The following FBXL19 variants were observed in gnomAD, a reference collection of about 807,000 sequenced individuals.
FBXL19 encodes the protein F-box/LRR-repeat protein 19.
A neutral mutation model predicts 71.2 loss-of-function variants in FBXL19; 16 were observed. The observed-to-expected ratio is 0.22, with a 90% confidence interval of 0.15 to 0.34. The LOEUF (loss-of-function observed/expected upper bound fraction) is 0.34. Ranked by LOEUF, FBXL19 falls within the 10% of genes least tolerant of loss-of-function variation. The probability of loss-of-function intolerance (pLI) is 1.00; values close to 1 mark genes in which losing one functional copy is unlikely to be tolerated. For missense variants in FBXL19, 658 were observed against 968.2 expected (o/e 0.68, Z 4.25); for synonymous variants, 447 against 409.4 (o/e 1.09, Z -1.11).
chr16:30,927,588 G>A lies in FBXL19; in HGVS notation c.337G>A (p.Gly113Ser). 6.4e-7 allele frequency: 1 copy of A among 1,559,924 alleles called. No homozygotes were observed. Among genetic ancestry groups the A allele is most frequent in the Non-Finnish European group, 8.7e-7 (1 of 1,151,890 alleles). Residue 113 changes from glycine (G) to serine (S), a missense_variant, in exon 4 of 11, where the codon GGT becomes AGT. Gly to Ser is a moderately conservative substitution (Grantham distance 56, BLOSUM62 0). Transcript: ENST00000338343. ...CTGCCTACAGATGGGGAAGGCTGAGGGTGTCATCAATGCAGAGATCCCCAA... is the reference window on the plus strand; with the variant it reads ...CTGCCTACAGATGGGGAAGGCTGAGAGTGTCATCAATGCAGAGATCCCCAA... ...PGCLKMGKAE[G>S]VINAEIPNCW...
intron 7 of FBXL19, among the ~76,000 whole-genome samples, chr16:30,940,730 G>A (rs930398373): frequency 3.3e-5 from 5 of 151,998 alleles, no homozygotes; most frequent in Admixed American, 2.0e-4. Context: ...GCAGTGGTGC[G>A]ATCTCGGCTC....
chr16:30,943,923 C>T (rs372013861), intron 9 of FBXL19, among the ~76,000 whole-genome samples: 133 of 152,280 alleles, frequency 8.7e-4, no homozygotes, highest in Middle Eastern at 3.4e-3. Flanking sequence ...AGATTCTTCC[C>T]GTATTCTAGA....
intron 7 of FBXL19, among the ~76,000 whole-genome samples, chr16:30,936,617 T>G (rs1280537449): frequency 2.0e-5 from 3 of 148,444 alleles, no homozygotes; most frequent in Admixed American, 6.7e-5. Flanking sequence ...TTTTTTTTTT[T>G]TTTGTTTTTT....
At position 30,946,496 on chromosome 16, in the gene FBXL19, C is replaced by T. The variant is rs890818116; in HGVS notation, c.1628-234C>T. On this transcript the variant is annotated intron_variant, in intron 9 of 10. Transcript: ENST00000338343. The surrounding 1 kb of genome is among the most constrained non-coding windows in gnomAD (Gnocchi z 6.7). The stretch of plus-strand genomic sequence containing the variant: ...CTAGGATTACAGGCATGAGCCACCA[C>T]GCCTGGCAGAATATTGTAGTCTCAA... 3.3e-5 allele frequency among the ~76,000 whole-genome samples: 5 copies of T among 152,210 alleles called. No individual in the cohort carries two copies. The highest frequency in any genetic ancestry group is 7.2e-5 in the African/African-American group (3 of 41,432).
rs1233395810 is a variant in FBXL19 at position 30,947,394 on chromosome 16, C to T, written c.*164C>T. ...ACTCAAGCCAGCCACCCCCTTCTTT[C>T]CCCCCTGCACTGATATCTCTGGGGG... On this transcript the variant is annotated 3_prime_UTR_variant, in exon 11 of 11. Coordinates refer to ENST00000338343, the MANE Select transcript of FBXL19 (RefSeq NM_001382779.1). 3.3e-6 allele frequency: 2 copies of T among 602,698 alleles called. No homozygotes were observed. The highest frequency in any genetic ancestry group is 5.9e-6 in the Non-Finnish European group (2 of 340,398). 37.3% of individuals were successfully genotyped at this position (602,698 alleles called of 1,614,324 possible).
rs1464535169 is a variant in FBXL19, at chr16:30,948,589, T to C, written c.*1359T>C. On this transcript the variant is annotated 3_prime_UTR_variant, in exon 11 of 11. Coordinates refer to ENST00000338343, the MANE Select transcript of FBXL19 (RefSeq NM_001382779.1). ...CTCAGGTAACAGGGAGGTGCGCGGG[T>C]GGGGGGAGGGCTGGGCGGACCAAAG... is the stretch of plus-strand genomic sequence containing the variant. 8 of 9,338 alleles carry C rather than the reference T, an allele frequency of 8.6e-4. No homozygotes were observed. Among genetic ancestry groups the C allele is most frequent in the African/African-American group, 3.3e-3 (7 of 2,134 alleles). 0.6% of individuals were successfully genotyped at this position (9,338 alleles called of 1,614,324 possible).
At position 30,942,966 on chromosome 16, in the gene FBXL19, A is replaced by G. The variant is rs1298237978; in HGVS notation, c.1627+430A>G. 6.6e-6 allele frequency among the ~76,000 whole-genome samples: 1 copy of G among 152,200 alleles called. No homozygotes were observed. Among genetic ancestry groups the G allele is most frequent in the Non-Finnish European group, 1.5e-5 (1 of 68,032 alleles). The stretch of plus-strand genomic sequence containing the variant: ...TTTGAGAGCAGCCCGCCAGCATAAT[A>G]CTGGGCAATTGTGGAGTGCCTTGAT... On this transcript the variant is annotated intron_variant, in intron 9 of 10. Coordinates refer to ENST00000338343, the MANE Select transcript of FBXL19 (RefSeq NM_001382779.1). The surrounding 1 kb of genome is among the most constrained non-coding windows in gnomAD (Gnocchi z 5.7).
chr16:30,928,256 G>A (rs2055624725), intron 5 of FBXL19, among the ~76,000 whole-genome samples: 2 of 152,208 alleles, frequency 1.3e-5, no homozygotes, highest in South Asian at 4.1e-4. Flanking sequence ...GGAGGGAGGG[G>A]CTGGAGAGGG....
Position 30,927,391 on chromosome 16 carries a change from T to C in FBXL19, c.261T>C (p.Phe87=). The C allele has an allele frequency of 6.3e-7, 1 of 1,593,438 alleles. No individual in the cohort carries two copies. Among genetic ancestry groups the C allele is most frequent in the Non-Finnish European group, 8.5e-7 (1 of 1,169,916 alleles). ...EDTVEGEEEK[F]GLSLMECTIC... The stretch of plus-strand genomic sequence containing the variant: ...CGGTGGAGGGAGAGGAAGAGAAATT[T>C]GGTTTGAGCCTCATGGAGTGTACAA... The change falls in exon 3 of 11, where the codon TTT becomes TTC. Residue 87 remains phenylalanine (F), a synonymous_variant. Coordinates refer to ENST00000338343, the MANE Select transcript of FBXL19 (RefSeq NM_001382779.1).
At chr16:30,941,562 T>C (rs2055802780) in intron 7 of FBXL19, among the ~76,000 whole-genome samples, 1 of 152,060 alleles carries the variant, frequency 6.6e-6, no homozygotes, top group Admixed American at 6.5e-5. Flanking sequence ...AGGGAAGATA[T>C]TAGGGCTGTA....
rs2055885591 is a variant in FBXL19 at position 30,948,189 on chromosome 16, G to T, written c.*959G>T. 6.2e-6 allele frequency: 1 copy of T among 160,260 alleles called. No individual in the cohort carries two copies. The highest frequency in any genetic ancestry group is 2.4e-5 in the African/African-American group (1 of 41,524). 9.9% of individuals were successfully genotyped at this position (160,260 alleles called of 1,614,324 possible). A position where few individuals can be genotyped will look rare whatever the true frequency, so the allele number is the denominator to read the frequency against. On this transcript the variant is annotated 3_prime_UTR_variant, in exon 11 of 11. Coordinates refer to ENST00000338343, the MANE Select transcript of FBXL19 (RefSeq NM_001382779.1). ...ACTGTATTGAGCGGCGGCACCCGCC[G>T]GACCCGCATTATGGCTGGGGGCGCC...
intron 1 of FBXL19, 128 bp downstream of exon 1, chr16:30,924,587 A>C: frequency 7.5e-7 from 1 of 1,341,738 alleles, no homozygotes; most frequent in Non-Finnish European, 9.5e-7. Flanking sequence ...ACTCATCTCC[A>C]GCCCTCCTTC....
At position 30,942,462 on chromosome 16, in the gene FBXL19, A is replaced by G. The variant is rs1596656972; in HGVS notation, c.1553A>G (p.Asp518Gly). The change falls in exon 9 of 11, where the codon GAC becomes GGC. Residue 518 changes from aspartate to glycine, a missense_variant. Asp to Gly is a moderately conservative substitution (Grantham distance 94). Transcript: ENST00000338343. This position sits in a 1 kb window ranked among gnomAD's most constrained non-coding sequence, Gnocchi z 5.7. ...CCACTGCCAGCCCTGCGGCTCCTGG[A>G]CCTCCGCTGGATCGAGGATGTTAAA... ...SAPLPALRLLDLRWIEDVKDS... is the reference protein window; with the variant it reads ...SAPLPALRLLGLRWIEDVKDS... The G allele has an allele frequency of 6.2e-7, 1 of 1,603,432 alleles. No individual in the cohort carries two copies. Among genetic ancestry groups the G allele is most frequent in the Non-Finnish European group, 8.5e-7 (1 of 1,175,524 alleles).
chr16:30,931,663 G>A (rs1455600043), intron 7 of FBXL19, among the ~76,000 whole-genome samples: 1 of 152,206 alleles, frequency 6.6e-6, no homozygotes, highest in Admixed American at 6.5e-5. Flanking sequence ...TATCTGCAGA[G>A]ATTGTGCAGC....
In FBXL19 at chr16:30,925,789, C is replaced by A; in HGVS notation, c.35C>A (p.Ala12Glu). 1 of 1,489,574 alleles carries A rather than the reference C, an allele frequency of 6.7e-7. No individual in the cohort carries two copies. The allele number at this position is 1,489,574 out of a possible 1,614,324, so 92.3% of individuals were successfully genotyped here. A position where few individuals can be genotyped will look rare whatever the true frequency, so the allele number is the denominator to read the frequency against. The change falls in exon 2 of 11, where the codon GCG becomes GAG. Residue 12 changes from alanine (A) to glutamate (E), a missense_variant. Ala to Glu is a moderately radical substitution (Grantham distance 107). Coordinates refer to ENST00000338343, the MANE Select transcript of FBXL19 (RefSeq NM_001382779.1). The surrounding 1 kb of genome is among the most constrained non-coding windows in gnomAD (Gnocchi z 5.0). ...SSSSRGPGAG[A>E]RRRRTRCRRC... ...AGCAGCCGGGGGCCGGGGGCCGGAG[C>A]GCGCCGACGCCGAACCCGCTGCCGC...
rs2055564459 is a variant in FBXL19, at chr16:30,924,368, G to GCCCCGCGCCGCCCGGC, written c.-111_-96dup. Reference sequence around the variant, plus strand: ...GACCCCGGCGTTCTGAGCGTTCCGCGCCCCGCGCCGCCCGGCCCCCCCGCC... The same window carrying GCCCCGCGCCGCCCGGC: ...GACCCCGGCGTTCTGAGCGTTCCGCGCCCCGCGCCGCCCGGCCCCCGCGCCGCCCGGCCCCCCCGCC... On this transcript the variant is annotated 5_prime_UTR_variant, in exon 1 of 11. Coordinates refer to ENST00000338343, the MANE Select transcript of FBXL19 (RefSeq NM_001382779.1). The GCCCCGCGCCGCCCGGC allele has an allele frequency of 5.8e-6, 1 of 172,256 alleles. No homozygotes were observed. The highest frequency in any genetic ancestry group is 1.2e-5 in the Non-Finnish European group (1 of 81,238). 10.7% of individuals were successfully genotyped at this position (172,256 alleles called of 1,614,324 possible).
At position 30,927,672 on chromosome 16, in the gene FBXL19, C is replaced by T. The variant is rs1315172075; in HGVS notation, c.408+13C>T. 1.9e-6 allele frequency: 3 copies of T among 1,562,338 alleles called. No individual in the cohort carries two copies. The highest frequency in any genetic ancestry group is 1.9e-5 in the Admixed American group (1 of 51,826). On this transcript the variant is annotated intron_variant, in intron 4 of 10. Coordinates refer to ENST00000338343, the MANE Select transcript of FBXL19 (RefSeq NM_001382779.1). ...CCGCACCAGCAAGGTAGGGGCTGGG[C>T]TGGGCTGAGCTGTGGGTAGGTGGGT...
At chr16:30,927,194 G>A in intron 2 of FBXL19, 114 bp from the exon 3 acceptor site, 9 of 1,117,070 alleles carry the variant, frequency 8.1e-6, no homozygotes, top group African/African-American at 1.6e-5. Flanking sequence ...ATCAGACCCA[G>A]CTTGACCCGT....
intron 7 of FBXL19, among the ~76,000 whole-genome samples, chr16:30,933,436 G>A (rs2055697139): frequency 6.6e-6 from 1 of 151,912 alleles, no homozygotes; most frequent in African/African-American, 2.4e-5. Flanking sequence ...ACCTTGCCAG[G>A]CCTTATTTTT....
Sources: gnomAD v4.1 joint callset for allele counts (sites outside exome capture counted in the v4.1 genomes callset) on GRCh38, gnomAD v4.1.1 for gene constraint, Gnocchi (gnomAD v3.1) non-coding constraint, MANE v1.5 for transcripts, NCBI Gene and HGNC (gene_info 2026-07-23, HGNC 2026-07-21) for gene names.